Variants in SORCS2 observed in about 807,000 individuals in gnomAD.
The protein encoded by SORCS2 is sortilin related VPS10 domain containing receptor 2.
SORCS2 carries 100 observed loss-of-function variants against 141.6 expected under a neutral mutation model. The ratio of observed to expected loss-of-function variants is 0.71; its 90% CI spans 0.60 to 0.83. SORCS2 has a LOEUF of 0.83. SORCS2 is among the 40% of genes least tolerant of loss of function. The pLI is 0.00. For synonymous variants in SORCS2, 789 were observed against 676.9 expected (o/e 1.17, Z -2.57); for missense variants, 1,646 against 1,560.2 (o/e 1.05, Z -0.93).
chr4:7,339,930 G>A (rs956937873), intron 1 of SORCS2, among the ~76,000 whole-genome samples: 3 of 152,198 alleles, frequency 2.0e-5, no homozygotes, highest in Non-Finnish European at 2.9e-5. Context: ...CATGCATCAG[G>A]GCTGCTTTCC....
At chr4:7,515,889 G>A (rs957673746) in intron 2 of SORCS2, among the ~76,000 whole-genome samples, 3 of 152,178 alleles carry the variant, frequency 2.0e-5, no homozygotes, top group Non-Finnish European at 4.4e-5. Context: ...CTTGGTTGCC[G>A]TGTCACCTCG....
chr4:7,493,467 G>T (rs141066605), intron 2 of SORCS2, among the ~76,000 whole-genome samples: 218 of 152,362 alleles, frequency 1.4e-3, no homozygotes, highest in African/African-American at 5.0e-3. Context: ...GCAGCTGCTT[G>T]TGACTGTGGG....
At position 7,740,585 on chromosome 4, in the gene SORCS2, T is replaced by A; in HGVS notation, c.*321T>A. ...AGCCCGAGGCCTGACTTCTCTGGGC[T>A]GAGGCTGGTCGTCCTGGAGCCCTCC... is the stretch of plus-strand genomic sequence containing the variant. On this transcript the variant is annotated 3_prime_UTR_variant, in exon 27 of 27. Coordinates refer to ENST00000507866, the MANE Select transcript of SORCS2 (RefSeq NM_020777.3). The A allele has an allele frequency of 2.4e-6, 1 of 411,536 alleles. No homozygotes were observed. Among genetic ancestry groups the A allele is most frequent in the Non-Finnish European group, 4.5e-6 (1 of 220,054 alleles). 25.5% of individuals were successfully genotyped at this position (411,536 alleles called of 1,614,324 possible). A position where few individuals can be genotyped will look rare whatever the true frequency, so the allele number is the denominator to read the frequency against.
intron 6 of SORCS2, among the ~76,000 whole-genome samples, chr4:7,662,610 T>A (rs2108919836): frequency 6.6e-6 from 1 of 152,272 alleles, no homozygotes; most frequent in Admixed American, 6.5e-5. Context: ...CATTGCAAAA[T>A]AACATGTGCT....
At chr4:7,326,615 G>C (rs1163774819) in intron 1 of SORCS2, among the ~76,000 whole-genome samples, 1 of 152,230 alleles carries the variant, frequency 6.6e-6, no homozygotes, top group Non-Finnish European at 1.5e-5. Context: ...CACCCAAGGG[G>C]TGTGGAGGCT....
intron 3 of SORCS2, among the ~76,000 whole-genome samples, chr4:7,627,808 C>T (rs1028358029): frequency 2.0e-5 from 3 of 152,218 alleles, no homozygotes; most frequent in Admixed American, 2.0e-4. Flanking sequence ...AGCCATTCAC[C>T]AGTGTTGGTT....
chr4:7,636,973 G>T (rs35828773), intron 3 of SORCS2, among the ~76,000 whole-genome samples: 3,592 of 151,872 alleles, frequency 0.024, 130 homozygotes, highest in African/African-American at 0.081. Context: ...ATTCATGGCC[G>T]TGGTGATGTG....
At chr4:7,473,976 C>T (rs181496352) in intron 2 of SORCS2, among the ~76,000 whole-genome samples, 6 of 152,296 alleles carry the variant, frequency 3.9e-5, no homozygotes, top group East Asian at 1.9e-4. Flanking sequence ...AAACTTCATC[C>T]GGTGTCCTCT....
chr4:7,725,729 G>A (rs1389280110), intron 20 of SORCS2, among the ~76,000 whole-genome samples: 1 of 152,202 alleles, frequency 6.6e-6, no homozygotes, highest in East Asian at 1.9e-4. Flanking sequence ...GGGAGCCACA[G>A]ATAGTTCTTG....
chr4:7,499,028 G>C (rs71601849), intron 2 of SORCS2, among the ~76,000 whole-genome samples: 1 of 152,224 alleles, frequency 6.6e-6, no homozygotes, highest in Admixed American at 6.5e-5. Flanking sequence ...AGACGGGAGG[G>C]ACACGGCACA....
intron 26 of SORCS2, among the ~76,000 whole-genome samples, chr4:7,739,344 C>T (rs1226916997): frequency 2.0e-5 from 3 of 152,178 alleles, no homozygotes; most frequent in Admixed American, 6.5e-5. Context: ...CCCATGCTCA[C>T]CCCCAGGCCT....
At chr4:7,318,001 G>A (rs531273819) in intron 1 of SORCS2, among the ~76,000 whole-genome samples, 4 of 152,228 alleles carry the variant, frequency 2.6e-5, no homozygotes, top group East Asian at 1.9e-4. Context: ...CCACGAGCAC[G>A]TGTTCATACA....
At chr4:7,367,752 A>C (rs949992140) in intron 1 of SORCS2, among the ~76,000 whole-genome samples, 1 of 152,250 alleles carries the variant, frequency 6.6e-6, no homozygotes, top group Non-Finnish European at 1.5e-5. Flanking sequence ...GAATTCACGC[A>C]GTTTATTTTT....
chr4:7,201,905 C>T lies in SORCS2; in HGVS notation c.480+8779C>T, dbSNP rs1159071207. Among the ~76,000 whole-genome samples the T allele has an allele frequency of 6.6e-6, 1 of 152,102 alleles. No homozygotes were observed. The highest frequency in any genetic ancestry group is 2.4e-5 in the African/African-American group (1 of 41,426). ...AGCAGAGATCCCTGGCTCTGGCCAC[C>T]GGGAGGGCAAGGTCTCCGTCTGTAG... On this transcript the variant is annotated intron_variant, in intron 1 of 26. Coordinates refer to ENST00000507866, the MANE Select transcript of SORCS2 (RefSeq NM_020777.3). The surrounding 1 kb of genome is among the most constrained non-coding windows in gnomAD (Gnocchi z 4.4).
intron 3 of SORCS2, among the ~76,000 whole-genome samples, chr4:7,579,156 A>G (rs903815625): frequency 1.3e-5 from 2 of 152,232 alleles, no homozygotes; most frequent in Non-Finnish European, 2.9e-5. Flanking sequence ...TTCCTAGGCT[A>G]TATCACATAC....
At chr4:7,587,751 C>A (rs746422597) in intron 3 of SORCS2, among the ~76,000 whole-genome samples, 1 of 152,294 alleles carries the variant, frequency 6.6e-6, no homozygotes, top group East Asian at 1.9e-4. Context: ...TAAACTGGCC[C>A]GTCAGGGACT....
chr4:7,610,246 C>T (rs1718319877), intron 3 of SORCS2, among the ~76,000 whole-genome samples: 1 of 152,132 alleles, frequency 6.6e-6, no homozygotes, highest in Non-Finnish European at 1.5e-5. Flanking sequence ...GGAGTCACGC[C>T]CACCCCTCCC....
chr4:7,480,544 C>G (rs538346428), intron 2 of SORCS2, among the ~76,000 whole-genome samples: 2 of 152,200 alleles, frequency 1.3e-5, no homozygotes, highest in African/African-American at 4.8e-5. Context: ...GCCAAGGGGG[C>G]GACTGGAGGG....
intron 3 of SORCS2, among the ~76,000 whole-genome samples, chr4:7,600,596 G>A (rs769437353): frequency 4.8e-4 from 73 of 151,854 alleles, no homozygotes; most frequent in South Asian, 8.3e-4. Flanking sequence ...TTGCTAACCC[G>A]GGGTCCGGTA....
Sources: gnomAD v4.1 joint callset for allele counts (sites outside exome capture counted in the v4.1 genomes callset) on GRCh38, gnomAD v4.1.1 for gene constraint, Gnocchi (gnomAD v3.1) non-coding constraint, MANE v1.5 for transcripts, NCBI Gene and HGNC (gene_info 2026-07-23, HGNC 2026-07-21) for gene names.